SRPK2: variants seen among roughly 807,000 people sequenced by gnomAD.
SRPK2 encodes SFRS protein kinase 2.
A neutral mutation model predicts 90.8 loss-of-function variants in SRPK2; 21 were observed. That is an observed-to-expected ratio of 0.23 (90% CI 0.16 to 0.33). SRPK2 has a LOEUF of 0.33. Among genes scored for constraint, SRPK2 ranks in the 10% least tolerant of loss-of-function variants. SRPK2 has a pLI of 1.00. For synonymous variants in SRPK2, 288 were observed against 311.1 expected (o/e 0.93, Z 0.78); for missense variants, 620 against 869.0 (o/e 0.71, Z 3.60).
chr7:105,175,135 G>A (rs905435537), intron 3 of SRPK2, among the ~76,000 whole-genome samples: 13 of 146,294 alleles, frequency 8.9e-5, no homozygotes, highest in East Asian at 4.0e-4. Flanking sequence ...GTTAAACTCC[G>A]TTTCAAAAAA....
intron 2 of SRPK2, among the ~76,000 whole-genome samples, chr7:105,381,599 C>T (rs896416353): frequency 6.6e-6 from 1 of 152,218 alleles, no homozygotes; most frequent in Non-Finnish European, 1.5e-5. Flanking sequence ...TTATCTTACT[C>T]TTCTAGCATC....
At chr7:105,337,022 G>A (rs544871606) in intron 2 of SRPK2, among the ~76,000 whole-genome samples, 25 of 151,830 alleles carry the variant, frequency 1.6e-4, no homozygotes, top group African/African-American at 5.3e-4. Context: ...GGCTAGTCTC[G>A]AACTCCTGAC....
At chr7:105,278,833 T>A (rs954131480) in intron 2 of SRPK2, among the ~76,000 whole-genome samples, 8 of 148,476 alleles carry the variant, frequency 5.4e-5, no homozygotes, top group African/African-American at 2.0e-4. Flanking sequence ...AAAAAGTAAT[T>A]TGTAAAAATG....
intron 2 of SRPK2, among the ~76,000 whole-genome samples, chr7:105,346,965 A>G (rs1015644319): frequency 4.6e-5 from 7 of 152,074 alleles, no homozygotes; most frequent in Non-Finnish European, 8.8e-5. Flanking sequence ...TAAACAGTAA[A>G]AATTCTACAT....
intron 2 of SRPK2, among the ~76,000 whole-genome samples, chr7:105,325,902 G>C (rs1166327655): frequency 6.6e-6 from 1 of 152,190 alleles, no homozygotes; most frequent in Non-Finnish European, 1.5e-5. Flanking sequence ...TACCATCTGT[G>C]GGACTACGAC....
intron 2 of SRPK2, among the ~76,000 whole-genome samples, chr7:105,282,448 A>G (rs1015632212): frequency 1.4e-4 from 21 of 152,252 alleles, no homozygotes; most frequent in Non-Finnish European, 2.9e-5. Context: ...AGCACAAGGA[A>G]TAAAAGAATA....
intron 2 of SRPK2, among the ~76,000 whole-genome samples, chr7:105,319,755 C>T (rs940482968): frequency 2.6e-5 from 4 of 152,044 alleles, no homozygotes; most frequent in African/African-American, 9.7e-5. Flanking sequence ...ACCATTCATA[C>T]ACTGCTGAGT....
At chr7:105,152,291 A>G (rs1398947889) in intron 7 of SRPK2, among the ~76,000 whole-genome samples, 1 of 152,140 alleles carries the variant, frequency 6.6e-6, no homozygotes, top group East Asian at 2.0e-4. Context: ...CTGGGATTAC[A>G]GGCACATGTC....
chr7:105,323,536 G>A (rs1399598412), intron 2 of SRPK2, among the ~76,000 whole-genome samples: 4 of 152,192 alleles, frequency 2.6e-5, no homozygotes, highest in African/African-American at 4.8e-5. Context: ...TGCAAGGGCT[G>A]ACTCTTAATG....
intron 15 of SRPK2, among the ~76,000 whole-genome samples, chr7:105,124,993 G>A (rs368978343): frequency 5.3e-5 from 8 of 151,850 alleles, no homozygotes; most frequent in Non-Finnish European, 7.4e-5. Context: ...TTAGCTGGGC[G>A]TGGTGGTGTG....
intron 2 of SRPK2, among the ~76,000 whole-genome samples, chr7:105,204,058 G>A (rs1795898890): frequency 6.6e-6 from 1 of 151,976 alleles, no homozygotes; most frequent in Admixed American, 6.6e-5. Flanking sequence ...ACCAATGTTA[G>A]GAAATTTCAG....
At chr7:105,263,770 C>A (rs1804656838) in intron 2 of SRPK2, among the ~76,000 whole-genome samples, 1 of 151,736 alleles carries the variant, frequency 6.6e-6, no homozygotes. Flanking sequence ...AACAAAAACA[C>A]TGAAAAAAAA....
intron 2 of SRPK2, among the ~76,000 whole-genome samples, chr7:105,359,712 A>G (rs1276484506): frequency 6.6e-6 from 1 of 151,956 alleles, no homozygotes. Flanking sequence ...ATTTCTCACA[A>G]TCCACATCTG....
intron 3 of SRPK2, among the ~76,000 whole-genome samples, chr7:105,193,853 T>C (rs1361821753): frequency 1.3e-5 from 2 of 152,236 alleles, no homozygotes; most frequent in Non-Finnish European, 2.9e-5. Flanking sequence ...TCAATGTTTT[T>C]TAAAATTCAG....
In SRPK2 at chr7:105,342,042, T is replaced by C. The variant is rs1045212171; in HGVS notation, c.71+46606A>G. ...ACTTGGGGAGGCCAAGGTGGGCGGA[T>C]CAGCTGAGGTCGGGAGATCGAGACC... On this transcript the variant is annotated intron_variant, in intron 2 of 15. Transcript: ENST00000393651. 2.0e-5 allele frequency among the ~76,000 whole-genome samples: 3 copies of C among 152,040 alleles called. No individual in the cohort carries two copies. In the South Asian group the frequency reaches 6.2e-4, roughly 31 times the overall value.
chr7:105,132,780 G>A lies in SRPK2; in HGVS notation c.1752+11C>T, dbSNP rs753603738. 1 of 1,598,506 alleles carries A rather than the reference G, an allele frequency of 6.3e-7. No individual in the cohort carries two copies. Among genetic ancestry groups the A allele is most frequent in the Non-Finnish European group, 8.5e-7 (1 of 1,170,308 alleles). ...AATTCCCATGGCAGCAAAGGGCACA[G>A]CCGTCCTTACCATACACGCCGTGCT... On this transcript the variant is annotated intron_variant, in intron 13 of 15. Coordinates refer to ENST00000393651, the MANE Select transcript of SRPK2 (RefSeq NM_182692.3).
chr7:105,338,470 C>T (rs979205926), intron 2 of SRPK2, among the ~76,000 whole-genome samples: 2 of 152,166 alleles, frequency 1.3e-5, no homozygotes, highest in African/African-American at 2.4e-5. Flanking sequence ...TGATTTCAAA[C>T]TCCTGACCTC....
At chr7:105,168,737 C>T (rs983699099) in intron 4 of SRPK2, among the ~76,000 whole-genome samples, 4 of 53,700 alleles carry the variant, frequency 7.4e-5, no homozygotes, top group Non-Finnish European at 1.7e-4. Flanking sequence ...CACACACACA[C>T]GCACCAAATG....
intron 2 of SRPK2, among the ~76,000 whole-genome samples, chr7:105,311,681 TACAG>T (rs1441827341): frequency 6.6e-6 from 1 of 152,094 alleles, no homozygotes; most frequent in African/African-American, 2.4e-5. Context: ...CAAACAGAAA[TACAG>T]ACAATAAGTG....
Sources: allele counts gnomAD v4.1 joint callset (sites outside exome capture counted in the v4.1 genomes callset), GRCh38; gene constraint gnomAD v4.1.1; transcripts MANE v1.5; gene names NCBI Gene and HGNC (gene_info 2026-07-23, HGNC 2026-07-21).